PDE1C: variants seen among roughly 807,000 people sequenced by gnomAD.
The protein encoded by PDE1C is dual specificity calcium/calmodulin-dependent 3',5'-cyclic nucleotide phosphodiesterase 1C.
A neutral mutation model predicts 93.1 loss-of-function variants in PDE1C; 62 were observed. The ratio of observed to expected loss-of-function variants is 0.67; its 90% CI spans 0.54 to 0.82. PDE1C has a LOEUF of 0.82. Among genes scored for constraint, PDE1C ranks in the 40% least tolerant of loss-of-function variants. The pLI is 0.00. For missense variants in PDE1C, 742 were observed against 884.6 expected (o/e 0.84, Z 2.04); for synonymous variants, 325 against 310.1 (o/e 1.05, Z -0.50).
intron 16 of PDE1C, among the ~76,000 whole-genome samples, chr7:31,790,766 C>T (rs1784502733): frequency 6.6e-6 from 1 of 152,064 alleles, no homozygotes; most frequent in Non-Finnish European, 1.5e-5. Context: ...ATGGGTGAAT[C>T]ACCTGAGTTC....
intron 1 of PDE1C, among the ~76,000 whole-genome samples, chr7:32,326,428 G>C (rs1045827160): frequency 2.6e-5 from 4 of 152,178 alleles, no homozygotes; most frequent in African/African-American, 9.7e-5. Context: ...TCAATACTCA[G>C]AGATCTGGAA....
At chr7:31,704,276 T>C in the PDE1C span, among the ~76,000 whole-genome samples, 1 of 152,174 alleles carries the variant, frequency 6.6e-6, no homozygotes, top group Non-Finnish European at 1.5e-5. Flanking sequence ...GAAGACGTGG[T>C]GTCCTAGCCC....
At chr7:32,385,785 G>A (rs1237301196) in intron 1 of PDE1C, among the ~76,000 whole-genome samples, 1 of 152,180 alleles carries the variant, frequency 6.6e-6, no homozygotes, top group East Asian at 1.9e-4. Context: ...AGTCAGATAA[G>A]CCCCATGCTG....
At chr7:32,337,650 T>C (rs1381739821) in intron 1 of PDE1C, among the ~76,000 whole-genome samples, 2 of 151,872 alleles carry the variant, frequency 1.3e-5, no homozygotes, top group Non-Finnish European at 2.9e-5. Flanking sequence ...CGGAGATAGA[T>C]AATTGGGGAT....
At chr7:32,281,338 T>C (rs1232385044) in intron 1 of PDE1C, among the ~76,000 whole-genome samples, 1 of 152,226 alleles carries the variant, frequency 6.6e-6, no homozygotes, top group South Asian at 2.1e-4. Flanking sequence ...ATTTGCAAAC[T>C]GTGAAAATTA....
intron 2 of PDE1C, among the ~76,000 whole-genome samples, chr7:31,909,967 A>G (rs1801032445): frequency 6.6e-6 from 1 of 152,186 alleles, no homozygotes; most frequent in South Asian, 2.1e-4. Context: ...ACGAGATGCC[A>G]GTAGCATCCA....
At chr7:31,964,710 T>C (rs1809621682) in intron 2 of PDE1C, among the ~76,000 whole-genome samples, 1 of 152,120 alleles carries the variant, frequency 6.6e-6, no homozygotes, top group South Asian at 2.1e-4. Flanking sequence ...AACCCCCCAA[T>C]AGGGGTGGAC....
At chr7:31,958,961 C>A (rs78929283) in intron 2 of PDE1C, among the ~76,000 whole-genome samples, 1,863 of 152,272 alleles carry the variant, frequency 0.012, 15 homozygotes, top group Non-Finnish European at 0.021. Context: ...AGAGCTGAGG[C>A]TTCCTGACAC....
intron 1 of PDE1C, among the ~76,000 whole-genome samples, chr7:32,228,680 C>T (rs1428716523): frequency 2.0e-5 from 3 of 152,180 alleles, no homozygotes; most frequent in East Asian, 3.9e-4. Context: ...ACAGCCCGAC[C>T]CGATGGGTGA....
the PDE1C span, among the ~76,000 whole-genome samples, chr7:31,676,443 C>A: frequency 6.6e-6 from 1 of 152,054 alleles, no homozygotes; most frequent in Non-Finnish European, 1.5e-5. Context: ...CACACACACA[C>A]ACAATTAGCT....
At position 31,891,911 on chromosome 7, in the gene PDE1C, G is replaced by C. The variant is rs75275503; in HGVS notation, c.129-11051C>G. On this transcript the variant is annotated intron_variant, in intron 2 of 17. Transcript: ENST00000396191. ...TGCTAATATCAGTATCTTGGGTTGT[G>C]AAATTGTCCTGTAGTTTTTCAAAAT... is the stretch of plus-strand genomic sequence containing the variant. Among the ~76,000 whole-genome samples the C allele has an allele frequency of 1.0e-2, 1,519 of 152,236 alleles. 14 individuals carry two copies. Among genetic ancestry groups the C allele is most frequent in the Non-Finnish European group, 0.018 (1,195 of 68,022 alleles).
At chr7:31,883,133 G>C (rs1797449298) in intron 2 of PDE1C, among the ~76,000 whole-genome samples, 1 of 152,098 alleles carries the variant, frequency 6.6e-6, no homozygotes, top group African/African-American at 2.4e-5. Context: ...ACCAATTTTT[G>C]AGAATAATAT....
chr7:32,114,770 A>C (rs759058151), intron 3 of PDE1C, among the ~76,000 whole-genome samples: 13 of 152,098 alleles, frequency 8.5e-5, no homozygotes, highest in Non-Finnish European at 1.8e-4. Context: ...ATTTACAAGA[A>C]TAAAATAAAC....
chr7:31,744,738 C>T, the PDE1C span, among the ~76,000 whole-genome samples: 1 of 152,182 alleles, frequency 6.6e-6, no homozygotes, highest in African/African-American at 2.4e-5. Context: ...TGCTATCTAA[C>T]ACAACATCTC....
intron 1 of PDE1C, among the ~76,000 whole-genome samples, chr7:32,394,349 C>G (rs1398086481): frequency 6.6e-6 from 1 of 152,104 alleles, no homozygotes; most frequent in East Asian, 1.9e-4. Flanking sequence ...AGATATTTGC[C>G]CCCTCCAAAT....
Position 31,889,835 on chromosome 7 carries a change from T to C in PDE1C, c.129-8975A>G, listed in dbSNP as rs554800998. ...ATTTTGAGCAATAATATTGACTTTG[T>C]TCCTTTGCACTTCTTATCAAATGCA... On this transcript the variant is annotated intron_variant, in intron 2 of 17. Transcript: ENST00000396191. 5.3e-5 allele frequency among the ~76,000 whole-genome samples: 8 copies of C among 152,316 alleles called. No homozygotes were observed. The East Asian group carries it at 1.4e-3, about 26-fold the overall frequency.
At chr7:32,188,238 A>T (rs1179473895) in intron 2 of PDE1C, among the ~76,000 whole-genome samples, 2 of 152,186 alleles carry the variant, frequency 1.3e-5, no homozygotes, top group Admixed American at 1.3e-4. Flanking sequence ...ACTAAAAAAA[A>T]TTATTTCTAT....
At chr7:32,045,993 T>C (rs1180667607) in intron 2 of PDE1C, among the ~76,000 whole-genome samples, 6 of 152,174 alleles carry the variant, frequency 3.9e-5, no homozygotes, top group Admixed American at 3.9e-4. Context: ...AATTACTGGG[T>C]TCATCAAGTG....
At chr7:32,347,489 A>G (rs569952787) in intron 1 of PDE1C, among the ~76,000 whole-genome samples, 5 of 152,260 alleles carry the variant, frequency 3.3e-5, no homozygotes, top group Non-Finnish European at 5.9e-5. Context: ...CAGTGTGAGT[A>G]GAATATAGCA....
Sources: gnomAD v4.1 joint callset for allele counts (sites outside exome capture counted in the v4.1 genomes callset) on GRCh38, gnomAD v4.1.1 for gene constraint, MANE v1.5 for transcripts, NCBI Gene and HGNC (gene_info 2026-07-23, HGNC 2026-07-21) for gene names.